Variants in AOAH observed in about 807,000 individuals in gnomAD.
AOAH encodes the protein acyloxyacyl hydrolase.
In AOAH, 64 loss-of-function variants were observed where a neutral mutation model predicts 92.2. That is an observed-to-expected ratio of 0.69 (90% CI 0.57 to 0.86). The LOEUF (loss-of-function observed/expected upper bound fraction) is 0.86. Among genes scored for constraint, AOAH ranks in the 40% least tolerant of loss-of-function variants. AOAH has a pLI of 0.00. For synonymous variants in AOAH, 263 were observed against 254.5 expected (o/e 1.03, Z -0.32); for missense variants, 656 against 694.6 (o/e 0.94, Z 0.62).
chr7:36,674,793 T>C (rs564769022), intron 2 of AOAH, among the ~76,000 whole-genome samples: 1 of 152,312 alleles, frequency 6.6e-6, no homozygotes, highest in South Asian at 2.1e-4. Flanking sequence ...GTGTCTCACA[T>C]AGGGGGGCCC....
rs374235114 is a variant in AOAH, at chr7:36,724,179, G to A, written c.-31C>T. 47 of 1,608,994 alleles carry A rather than the reference G, an allele frequency of 2.9e-5. No homozygotes were observed. The highest frequency in any genetic ancestry group is 1.3e-4 in the African/African-American group (10 of 74,854). On this transcript the variant is annotated 5_prime_UTR_variant, in exon 1 of 21. Coordinates refer to ENST00000617537, the MANE Select transcript of AOAH (RefSeq NM_001637.4). ...AGCTATGCACCCCAAGTGATCACCC[G>A]GCTTTGGAAGCTCCCAACTGAGGGA... is the stretch of plus-strand genomic sequence containing the variant.
Position 36,632,065 on chromosome 7 carries a change from A to C in AOAH, c.492T>G (p.Val164=). The C allele has an allele frequency of 6.2e-7, 1 of 1,613,400 alleles. No homozygotes were observed. The highest frequency in any genetic ancestry group is 1.1e-5 in the South Asian group (1 of 90,866). The change falls in exon 6 of 21, where the codon GTT becomes GTG. Residue 164 remains valine, a synonymous_variant. Transcript: ENST00000617537. The part of the protein sequence containing the change: ...RSGSDICSLP[V]LAKICQKIKL... ...TAATTTTCTGGCAGATCTTGGCCAA[A>C]ACCGGGAGTGAACAAATGTCAGAAC...
At chr7:36,545,439 T>C (rs1785741967) in intron 15 of AOAH, among the ~76,000 whole-genome samples, 1 of 152,140 alleles carries the variant, frequency 6.6e-6, no homozygotes, top group Non-Finnish European at 1.5e-5. Context: ...ATAAATAGCA[T>C]GGATTGTTTC....
At chr7:36,684,588 T>G (rs899165447) in intron 2 of AOAH, among the ~76,000 whole-genome samples, 3 of 151,518 alleles carry the variant, frequency 2.0e-5, no homozygotes, top group African/African-American at 4.9e-5. Context: ...AATTAATAGA[T>G]CTCATCATTG....
chr7:36,616,398 T>C lies in AOAH; in HGVS notation c.828A>G (p.Thr276=). Residue 276 remains threonine (T), a synonymous_variant, in exon 11 of 21, where the codon ACA becomes ACG. Coordinates refer to ENST00000617537, the MANE Select transcript of AOAH (RefSeq NM_001637.4). The stretch of plus-strand genomic sequence containing the variant: ...TACTTACCAAAGACATCTGCGACGC[T>C]GTGATCCATTCAGGAGAGATGTGAA... ...AHFHISPEWI[T]ASQMSLNSFI... is the part of the protein sequence containing the mutation. The C allele has an allele frequency of 2.5e-6, 4 of 1,613,852 alleles. No homozygotes were observed. The highest frequency in any genetic ancestry group is 3.4e-6 in the Non-Finnish European group (4 of 1,179,760).
rs1784135792 is a variant in AOAH, at chr7:36,522,123, G to A, written c.1523-8C>T. ...TCTGCCACTCCTGTATGACTGCAGG[G>A]CACATAACGAGAGGGTTACAGACAC... On this transcript the variant is annotated splice_polypyrimidine_tract_variant and splice_region_variant and intron_variant, in intron 19 of 20. Transcript: ENST00000617537. 1.2e-6 allele frequency: 2 copies of A among 1,613,716 alleles called. No individual in the cohort carries two copies. The highest frequency in any genetic ancestry group is 8.5e-7 in the Non-Finnish European group (1 of 1,179,680).
chr7:36,552,535 G>C (rs1235848896), intron 13 of AOAH, among the ~76,000 whole-genome samples: 1 of 152,080 alleles, frequency 6.6e-6, no homozygotes, highest in African/African-American at 2.4e-5. Flanking sequence ...GGGATTGCTG[G>C]GTCAAATGGT....
intron 13 of AOAH, among the ~76,000 whole-genome samples, chr7:36,571,938 T>C (rs1788174173): frequency 6.6e-6 from 1 of 152,224 alleles, no homozygotes; most frequent in Non-Finnish European, 1.5e-5. Flanking sequence ...TATGACCTGG[T>C]GTTCTATAGA....
At chr7:36,567,110 C>T (rs1787771072) in intron 13 of AOAH, among the ~76,000 whole-genome samples, 1 of 152,304 alleles carries the variant, frequency 6.6e-6, no homozygotes, top group Non-Finnish European at 1.5e-5. Context: ...CCGTGCCTGG[C>T]CACTGCTCTA....
intron 13 of AOAH, among the ~76,000 whole-genome samples, chr7:36,572,099 A>G (rs1347367654): frequency 6.6e-6 from 1 of 152,220 alleles, no homozygotes; most frequent in Non-Finnish European, 1.5e-5. Flanking sequence ...GAATGTATTA[A>G]ATGATCACAT....
chr7:36,623,286 CA>C (rs761889547), intron 6 of AOAH, 36 bp from the exon 7 acceptor site: 111 of 1,584,692 alleles, frequency 7.0e-5, no homozygotes, highest in Non-Finnish European at 4.3e-6. Flanking sequence ...GGTGAGCTAA[CA>C]AAAAAAGTAA....
intron 2 of AOAH, 53 bp downstream of exon 2, chr7:36,686,646 C>T: frequency 9.2e-7 from 1 of 1,081,458 alleles, no homozygotes; most frequent in Non-Finnish European, 1.3e-6. Flanking sequence ...CATCATGACT[C>T]ATGAGTGAGA....
chr7:36,672,891 G>A (rs1796014269), intron 3 of AOAH, among the ~76,000 whole-genome samples: 1 of 151,950 alleles, frequency 6.6e-6, no homozygotes, highest in Non-Finnish European at 1.5e-5. Flanking sequence ...ATAATAACAT[G>A]TATTATATGA....
At chr7:36,650,766 T>C (rs1794524577) in intron 4 of AOAH, among the ~76,000 whole-genome samples, 1 of 152,198 alleles carries the variant, frequency 6.6e-6, no homozygotes, top group African/African-American at 2.4e-5. Flanking sequence ...TATTTTTTAC[T>C]AAACAAATCT....
chr7:36,624,695 ACT>A (rs1251526203), intron 6 of AOAH, among the ~76,000 whole-genome samples: 3 of 151,978 alleles, frequency 2.0e-5, no homozygotes, highest in Non-Finnish European at 4.4e-5. Flanking sequence ...CCCTTCAGTG[ACT>A]CTACCTCTAG....
At chr7:36,647,990 C>T (rs886846201) in intron 4 of AOAH, among the ~76,000 whole-genome samples, 15 of 152,070 alleles carry the variant, frequency 9.9e-5, no homozygotes, top group Admixed American at 5.2e-4. Flanking sequence ...GCCATCATGC[C>T]GGGCTAATTT....
At chr7:36,649,194 T>C (rs1289327885) in intron 4 of AOAH, among the ~76,000 whole-genome samples, 1 of 152,200 alleles carries the variant, frequency 6.6e-6, no homozygotes, top group East Asian at 1.9e-4. Flanking sequence ...CGACATCGTG[T>C]TGAATTGCCT....
At chr7:36,581,299 C>T (rs995198676) in intron 12 of AOAH, among the ~76,000 whole-genome samples, 1 of 152,236 alleles carries the variant, frequency 6.6e-6, no homozygotes, top group Non-Finnish European at 1.5e-5. Context: ...TGTCTGATTT[C>T]TAGCTTCCAA....
intron 4 of AOAH, among the ~76,000 whole-genome samples, chr7:36,649,382 A>T (rs1054724238): frequency 6.6e-6 from 1 of 152,208 alleles, no homozygotes; most frequent in Non-Finnish European, 1.5e-5. Flanking sequence ...ATTAGTCAGC[A>T]TGAGAGACAG....
Sources: gnomAD v4.1 joint callset for allele counts (sites outside exome capture counted in the v4.1 genomes callset) on GRCh38, gnomAD v4.1.1 for gene constraint, MANE v1.5 for transcripts, NCBI Gene and HGNC (gene_info 2026-07-23, HGNC 2026-07-21) for gene names.